Variants in ATXN7L2 observed in about 807,000 individuals in gnomAD.
The protein encoded by ATXN7L2 is ataxin 7 like 2, also known as ataxin-7-like protein 2.
ATXN7L2 carries 17 observed loss-of-function variants against 59.6 expected under a neutral mutation model. The observed-to-expected ratio is 0.29, with a 90% CI of 0.20 to 0.43. ATXN7L2 has a LOEUF of 0.43. Ranked by LOEUF, ATXN7L2 falls within the 20% of genes least tolerant of loss-of-function variation. The probability of loss-of-function intolerance (pLI) is 1.00; values close to 1 mark genes in which losing one functional copy is unlikely to be tolerated. For missense variants in ATXN7L2, 858 were observed against 1,008.9 expected, an observed-to-expected ratio of 0.85 and a Z score of 2.03; for synonymous variants, 378 against 392.5, an observed-to-expected ratio of 0.96 and a Z score of 0.44.
intron 7 of ATXN7L2, 104 bp from the exon 8 acceptor site, chr1:109,489,826 G>A: frequency 8.3e-7 from 1 of 1,210,068 alleles, no homozygotes; most frequent in Non-Finnish European, 1.2e-6. Flanking sequence ...CCTGCAGGGT[G>A]TCTGCCCTGG....
chr1:109,488,530 C>A lies in ATXN7L2; in HGVS notation c.879+65C>A. ...AGGGCTTGCCCACTCCTTCCCTGGGCAAAGAGAGGAATGTCGATGTTACTG... is the reference window on the plus strand; with the variant it reads ...AGGGCTTGCCCACTCCTTCCCTGGGAAAAGAGAGGAATGTCGATGTTACTG... On this transcript the variant is annotated intron_variant, in intron 6 of 10. Coordinates refer to ENST00000683729, the MANE Select transcript of ATXN7L2 (RefSeq NM_001350175.2). This position sits in a 1 kb window ranked among gnomAD's most constrained non-coding sequence, Gnocchi z 5.0. 6.8e-7 allele frequency: 1 copy of A among 1,481,000 alleles called. No homozygotes were observed. The highest frequency in any genetic ancestry group is 9.3e-7 in the Non-Finnish European group (1 of 1,076,382). 91.7% of individuals were successfully genotyped at this position (1,481,000 alleles called of 1,614,324 possible). A position where few individuals can be genotyped will look rare whatever the true frequency, so the allele number is the denominator to read the frequency against.
At chr1:109,484,416 G>T (rs1420059271) in intron 1 of ATXN7L2, among the ~76,000 whole-genome samples, 1 of 151,430 alleles carries the variant, frequency 6.6e-6, no homozygotes, top group East Asian at 1.9e-4. Flanking sequence ...TTCCCTGTCC[G>T]CAACAGTCCT....
chr1:109,488,368 G>A lies in ATXN7L2; in HGVS notation c.797-15G>A. 3 of 1,588,664 alleles carry A rather than the reference G, an allele frequency of 1.9e-6. No homozygotes were observed. The highest frequency in any genetic ancestry group is 2.6e-6 in the Non-Finnish European group (3 of 1,164,042). On this transcript the variant is annotated splice_polypyrimidine_tract_variant and intron_variant, in intron 5 of 10. Coordinates refer to ENST00000683729, the MANE Select transcript of ATXN7L2 (RefSeq NM_001350175.2). The surrounding 1 kb of genome is among the most constrained non-coding windows in gnomAD (Gnocchi z 5.0). ...GAAATGGTCTTGAGGTTCATTGGAA[G>A]TGCTTTCCCCACAGGGAAGGAGTGC...
Position 109,491,207 on chromosome 1 carries a change from G to T in ATXN7L2, c.1740G>T (p.Leu580=). ...CGCCATCCCCGTCCTTCAGCAAGCT[G>T]CCGCCTTCCAAGGCCAGCAAGTCAT... ...ANTPSPSFSK[L]PPSKASKSSK... is the part of the protein sequence containing the mutation. Residue 580 remains leucine (L), a synonymous_variant, in exon 10 of 11, where the codon CTG becomes CTT. Coordinates refer to ENST00000683729, the MANE Select transcript of ATXN7L2 (RefSeq NM_001350175.2). The surrounding 1 kb of genome is among the most constrained non-coding windows in gnomAD (Gnocchi z 4.1). 6.2e-7 allele frequency: 1 copy of T among 1,614,154 alleles called. No homozygotes were observed. Among genetic ancestry groups the T allele is most frequent in the Non-Finnish European group, 8.5e-7 (1 of 1,180,054 alleles).
chr1:109,485,581 T>C (rs1656526467), intron 1 of ATXN7L2: 2 of 985,432 alleles, frequency 2.0e-6, no homozygotes, highest in Middle Eastern at 5.2e-4. Context: ...GGATGCCACA[T>C]AGTAGCAGAA....
Position 109,487,810 on chromosome 1 carries a change from T to C in ATXN7L2, c.796+6T>C, listed in dbSNP as rs1656710845. ...AACCCACCGGAAGATGGCTCGTGAG[T>C]AGTTGTGGTCTTGGGGGTCCAGAAT... On this transcript the variant is annotated splice_donor_region_variant and intron_variant, in intron 5 of 10. Transcript: ENST00000683729. 1 of 1,588,778 alleles carries C rather than the reference T, an allele frequency of 6.3e-7. No homozygotes were observed.
chr1:109,484,355 T>A (rs1656416791), intron 1 of ATXN7L2, among the ~76,000 whole-genome samples: 1 of 151,892 alleles, frequency 6.6e-6, no homozygotes, highest in Admixed American at 6.5e-5. Flanking sequence ...TTTATCTTTC[T>A]CCTTGCCTGC....
At position 109,488,164 on chromosome 1, in the gene ATXN7L2, C is replaced by A. The variant is rs1181903209; in HGVS notation, c.797-219C>A. ...TGTTGCCCTGCTTTGGGCTTGAAGT[C>A]CCAAAAGGCGCACCTGAAATTGGGA... On this transcript the variant is annotated intron_variant, in intron 5 of 10. Coordinates refer to ENST00000683729, the MANE Select transcript of ATXN7L2 (RefSeq NM_001350175.2). The surrounding 1 kb of genome is among the most constrained non-coding windows in gnomAD (Gnocchi z 5.0). Among the ~76,000 whole-genome samples the A allele has an allele frequency of 1.3e-5, 2 of 152,222 alleles. No individual in the cohort carries two copies. The highest frequency in any genetic ancestry group is 1.3e-4 in the Admixed American group (2 of 15,286).
At chr1:109,490,435 T>C (rs1186639310) in intron 9 of ATXN7L2, 43 bp downstream of exon 9, 2 of 1,601,682 alleles carry the variant, frequency 1.2e-6, no homozygotes, top group East Asian at 2.2e-5. Context: ...GAATGGAAAT[T>C]CCTAGGTTCC....
At position 109,487,529 on chromosome 1, in the gene ATXN7L2, C is replaced by T; in HGVS notation, c.521C>T (p.Pro174Leu). 6.6e-7 allele frequency: 1 copy of T among 1,503,844 alleles called. No individual in the cohort carries two copies. Among genetic ancestry groups the T allele is most frequent in the Non-Finnish European group, 8.9e-7 (1 of 1,128,526 alleles). The allele number at this position is 1,503,844 out of a possible 1,614,324, so 93.2% of individuals were successfully genotyped here. A position where few individuals can be genotyped will look rare whatever the true frequency, so the allele number is the denominator to read the frequency against. ...CTCTCTGTGTGTAGCCTTTTCGTGC[C>T]TGTGGTGAATCTGGAGAAGATGTCC... is the stretch of plus-strand genomic sequence containing the variant. ...TQKDNLCLFV[P>L]VVNLEKMSSL... The change falls in exon 5 of 11, where the codon CCT becomes CTT. Residue 174 changes from proline (P) to leucine (L), a missense_variant. Coordinates refer to ENST00000683729, the MANE Select transcript of ATXN7L2 (RefSeq NM_001350175.2).
Position 109,483,965 on chromosome 1 carries a change from T to G in ATXN7L2, c.12T>G (p.Arg4=). 1 of 1,318,826 alleles carries G rather than the reference T, an allele frequency of 7.6e-7. No individual in the cohort carries two copies. Among genetic ancestry groups the G allele is most frequent in the Non-Finnish European group, 9.8e-7 (1 of 1,025,270 alleles). The allele number at this position is 1,318,826 out of a possible 1,614,324, so 81.7% of individuals were successfully genotyped here. A position where few individuals can be genotyped will look rare whatever the true frequency, so the allele number is the denominator to read the frequency against. MAV[R]ERAAAAMAAL... is the part of the protein sequence containing the mutation. Reference sequence around the variant, plus strand: ...CGTCCGCGGCGGTGATGGCGGTGCGTGAACGCGCGGCGGCAGCAATGGCCG... The same window carrying G: ...CGTCCGCGGCGGTGATGGCGGTGCGGGAACGCGCGGCGGCAGCAATGGCCG... Residue 4 remains arginine (R), a synonymous_variant, in exon 1 of 11, where the codon CGT becomes CGG. Coordinates refer to ENST00000683729, the MANE Select transcript of ATXN7L2 (RefSeq NM_001350175.2).
At position 109,489,085 on chromosome 1, in the gene ATXN7L2, A is replaced by G; in HGVS notation, c.1118A>G (p.Tyr373Cys). ...FSVRAKQTYP[Y>C]CALPRSRASS... ...GTTCGTGCCAAGCAGACCTACCCAT[A>G]CTGTGCACTGCCCAGGTACGTCTAG... Residue 373 changes from tyrosine to cysteine, a missense_variant, in exon 7 of 11, where the codon TAC (tyrosine) becomes TGC (cysteine). By Grantham distance (194) the Tyr-to-Cys change is radical (BLOSUM62 -2). This residue lies in a region of ATXN7L2 where 734 missense variants were observed against 862.3 expected (regional missense o/e 0.85). Coordinates refer to ENST00000683729, the MANE Select transcript of ATXN7L2 (RefSeq NM_001350175.2). 6.2e-7 allele frequency: 1 copy of G among 1,613,800 alleles called. No homozygotes were observed. The highest frequency in any genetic ancestry group is 8.5e-7 in the Non-Finnish European group (1 of 1,179,854).
chr1:109,486,312 C>T lies in ATXN7L2; in HGVS notation c.193+190C>T. The stretch of plus-strand genomic sequence containing the variant: ...TGGAGATCATAATCATAGGTGATTG[C>T]CCACTCACCTGAAAGCGTATACCCT... On this transcript the variant is annotated intron_variant, in intron 2 of 10. Transcript: ENST00000683729. The surrounding 1 kb of genome is among the most constrained non-coding windows in gnomAD (Gnocchi z 4.3). 1.0e-6 allele frequency: 1 copy of T among 994,854 alleles called. No homozygotes were observed. Among genetic ancestry groups the T allele is most frequent in the Non-Finnish European group, 1.4e-6 (1 of 699,412 alleles). 61.6% of individuals were successfully genotyped at this position (994,854 alleles called of 1,614,324 possible). A position where few individuals can be genotyped will look rare whatever the true frequency, so the allele number is the denominator to read the frequency against.
intron 7 of ATXN7L2, 50 bp from the exon 8 acceptor site, chr1:109,489,880 C>G (rs773494067): frequency 3.6e-5 from 57 of 1,604,698 alleles, no homozygotes; most frequent in Middle Eastern, 2.1e-4. Context: ...TGCCCCTACT[C>G]TGACCCCACA....
chr1:109,489,026 A>G lies in ATXN7L2; in HGVS notation c.1059A>G (p.Val353=), dbSNP rs377046901. 2,892 of 1,614,158 alleles carry G rather than the reference A, an allele frequency of 1.8e-3. 69 individuals carry two copies. In the South Asian group the frequency reaches 0.03, roughly 17 times the overall value. ...SQELPSSVQV[V]AAVAAPSSTF... Reference sequence around the variant, plus strand: ...AGCTCCCCTCCTCAGTCCAGGTTGTAGCAGCGGTGGCTGCTCCCAGCAGCA... The same window carrying G: ...AGCTCCCCTCCTCAGTCCAGGTTGTGGCAGCGGTGGCTGCTCCCAGCAGCA... Residue 353 remains valine (V), a synonymous_variant, in exon 7 of 11, where the codon GTA becomes GTG. Transcript: ENST00000683729.
At chr1:109,489,179 A>C in intron 7 of ATXN7L2, 79 bp downstream of exon 7, 2 of 1,523,526 alleles carry the variant, frequency 1.3e-6, no homozygotes, top group Non-Finnish European at 1.8e-6. Flanking sequence ...AAACAGGCTC[A>C]GGGAGTGTCC....
intron 10 of ATXN7L2, chr1:109,492,113 G>T: frequency 9.4e-7 from 1 of 1,060,702 alleles, no homozygotes; most frequent in Non-Finnish European, 1.1e-6. Context: ...AGGTGGGTGG[G>T]CTGGTCTCAC....
chr1:109,486,473 C>T lies in ATXN7L2; in HGVS notation c.194-33C>T. 1 of 1,564,128 alleles carries T rather than the reference C, an allele frequency of 6.4e-7. No homozygotes were observed. Among genetic ancestry groups the T allele is most frequent in the Non-Finnish European group, 8.8e-7 (1 of 1,137,892 alleles). On this transcript the variant is annotated intron_variant, in intron 2 of 10. Coordinates refer to ENST00000683729, the MANE Select transcript of ATXN7L2 (RefSeq NM_001350175.2). This position sits in a 1 kb window ranked among gnomAD's most constrained non-coding sequence, Gnocchi z 4.3. ...TCTTCCAGAGAAACCCTGGGATCTTCAGCCCCAGTGACATGGGCTTCTGTC... is the reference window on the plus strand; with the variant it reads ...TCTTCCAGAGAAACCCTGGGATCTTTAGCCCCAGTGACATGGGCTTCTGTC...
chr1:109,486,143 G>A lies in ATXN7L2; in HGVS notation c.193+21G>A. On this transcript the variant is annotated intron_variant, in intron 2 of 10. Coordinates refer to ENST00000683729, the MANE Select transcript of ATXN7L2 (RefSeq NM_001350175.2). The surrounding 1 kb of genome is among the most constrained non-coding windows in gnomAD (Gnocchi z 4.3). ...AGAAGGTGGGAGTCGACACACATTA[G>A]GGCTGGGACCCAGGGCAGACAGGAC... 6.4e-7 allele frequency: 1 copy of A among 1,562,812 alleles called. No homozygotes were observed.
Sources: gnomAD v4.1 joint callset for allele counts (sites outside exome capture counted in the v4.1 genomes callset) on GRCh38, gnomAD v4.1.1 for gene constraint, gnomAD v4.1.1 regional missense constraint, Gnocchi (gnomAD v3.1) non-coding constraint, MANE v1.5 for transcripts, NCBI Gene and HGNC (gene_info 2026-07-23, HGNC 2026-07-21) for gene names.